CLASP1: variants seen among roughly 807,000 people sequenced by gnomAD.
The protein encoded by CLASP1 is CLIP-associating protein 1.
CLASP1 carries 38 observed loss-of-function variants against 192.3 expected under a neutral mutation model. That is an observed-to-expected ratio of 0.20 (90% CI 0.15 to 0.26). The LOEUF (loss-of-function observed/expected upper bound fraction) is 0.26, where lower values mean the gene tolerates loss of function less well. Ranked by LOEUF, CLASP1 falls within the 10% of genes least tolerant of loss-of-function variation. CLASP1 has a pLI of 1.00. For synonymous variants in CLASP1, 691 were observed against 712.8 expected, an observed-to-expected ratio of 0.97 and a Z score of 0.49; for missense variants, 1,433 against 1,932.5, an observed-to-expected ratio of 0.74 and a Z score of 4.85.
At chr2:121,648,374 T>C (rs562461954) in intron 1 of CLASP1, among the ~76,000 whole-genome samples, 1 of 152,168 alleles carries the variant, frequency 6.6e-6, no homozygotes, top group Non-Finnish European at 1.5e-5. Context: ...CAAATGAAAG[T>C]ATCATGTTTA....
chr2:121,343,219 T>C (rs2063003236), intron 39 of CLASP1, among the ~76,000 whole-genome samples: 2 of 151,938 alleles, frequency 1.3e-5, no homozygotes, highest in Middle Eastern at 3.2e-3. Context: ...ATTAGAAAAG[T>C]GAAAAATAAA....
chr2:121,366,880 T>C (rs572300150), intron 35 of CLASP1, among the ~76,000 whole-genome samples: 2 of 152,364 alleles, frequency 1.3e-5, no homozygotes, highest in Admixed American at 1.3e-4. Context: ...CTCACTAGTT[T>C]ATTCAGTAAT....
chr2:121,455,654 G>A (rs936708521), intron 14 of CLASP1, among the ~76,000 whole-genome samples: 5 of 152,262 alleles, frequency 3.3e-5, no homozygotes, highest in Admixed American at 3.3e-4. Context: ...GCACTTTGGA[G>A]GTTGAGGCCA....
At chr2:121,533,328 T>C (rs2094947438) in intron 2 of CLASP1, among the ~76,000 whole-genome samples, 1 of 152,122 alleles carries the variant, frequency 6.6e-6, no homozygotes, top group Non-Finnish European at 1.5e-5. Context: ...ATTTCCCTAC[T>C]GAAGAAAGGG....
chr2:121,620,382 G>A (rs898244241), intron 1 of CLASP1, among the ~76,000 whole-genome samples: 3 of 151,754 alleles, frequency 2.0e-5, no homozygotes, highest in African/African-American at 4.8e-5. Flanking sequence ...ATGAAGTCTC[G>A]TTCTGTTGCC....
chr2:121,498,801 T>C (rs1003922214), intron 8 of CLASP1, among the ~76,000 whole-genome samples: 1 of 152,146 alleles, frequency 6.6e-6, no homozygotes, highest in African/African-American at 2.4e-5. Flanking sequence ...AAAGGGCTAA[T>C]AAGCACATGA....
intron 1 of CLASP1, among the ~76,000 whole-genome samples, chr2:121,617,999 T>C (rs1242414133): frequency 6.6e-6 from 1 of 152,230 alleles, no homozygotes; most frequent in Non-Finnish European, 1.5e-5. Context: ...GGCCCGGCTA[T>C]TCTTTTTCAT....
intron 2 of CLASP1, among the ~76,000 whole-genome samples, chr2:121,546,438 G>A (rs2057424815): frequency 6.6e-6 from 1 of 151,762 alleles, no homozygotes; most frequent in African/African-American, 2.4e-5. Flanking sequence ...CACGCATTGG[G>A]ACCAATCAAG....
At chr2:121,600,722 T>A (rs2063692717) in intron 2 of CLASP1, among the ~76,000 whole-genome samples, 1 of 152,320 alleles carries the variant, frequency 6.6e-6, no homozygotes, top group African/African-American at 2.4e-5. Flanking sequence ...AGACAATTAC[T>A]TTTGCACCAA....
At position 121,560,613 on chromosome 2, in the gene CLASP1, C is replaced by T. The variant is rs111353159; in HGVS notation, c.196-30288G>A. On this transcript the variant is annotated intron_variant, in intron 2 of 39. Coordinates refer to ENST00000263710, the Ensembl canonical transcript of CLASP1. ...CATCCAAGAACATCCCTCTGCTCCA[C>T]GGTTATTTCCACCTCTAGGAATAAG... Among the ~76,000 whole-genome samples the T allele has an allele frequency of 7.1e-3, 1,076 of 152,282 alleles. 12 individuals are homozygous for T. Among genetic ancestry groups the T allele is most frequent in the African/African-American group, 0.024 (1,015 of 41,560 alleles).
chr2:121,382,080 C>T (rs989088864), intron 33 of CLASP1, 128 bp downstream of exon 34: 10 of 722,718 alleles, frequency 1.4e-5, no homozygotes, highest in Non-Finnish European at 2.2e-5. Flanking sequence ...GGCTCTACTC[C>T]TGCTATGTGA....
At chr2:121,627,993 C>T (rs1008178855) in intron 1 of CLASP1, among the ~76,000 whole-genome samples, 2 of 152,054 alleles carry the variant, frequency 1.3e-5, no homozygotes, top group East Asian at 1.9e-4. Context: ...AATTTCATAC[C>T]CTGTCCACCA....
intron 2 of CLASP1, among the ~76,000 whole-genome samples, chr2:121,554,025 G>A (rs909637816): frequency 3.4e-4 from 52 of 151,302 alleles, no homozygotes; most frequent in African/African-American, 1.2e-3. Context: ...ATTAGCCTAG[G>A]CAACATAGTG....
At chr2:121,619,185 A>T (rs1236340259) in intron 1 of CLASP1, among the ~76,000 whole-genome samples, 5 of 152,244 alleles carry the variant, frequency 3.3e-5, no homozygotes, top group Non-Finnish European at 7.3e-5. Flanking sequence ...TCACCACATT[A>T]CATTAAAAAG....
chr2:121,416,949 A>G (rs1329314236), intron 23 of CLASP1, among the ~76,000 whole-genome samples: 3 of 152,222 alleles, frequency 2.0e-5, no homozygotes, highest in Admixed American at 6.5e-5. Flanking sequence ...CTTGCTGGAC[A>G]TAAGTTTTAG....
chr2:121,372,932 A>C (rs1312945574), intron 34 of CLASP1, among the ~76,000 whole-genome samples: 1 of 152,232 alleles, frequency 6.6e-6, no homozygotes, highest in African/African-American at 2.4e-5. Flanking sequence ...TCCATGTCTT[A>C]GTCTTCAAAC....
At chr2:121,416,269 T>A (rs1022011512) in intron 23 of CLASP1, among the ~76,000 whole-genome samples, 2 of 152,174 alleles carry the variant, frequency 1.3e-5, no homozygotes, top group African/African-American at 4.8e-5. Flanking sequence ...AAGCCTAATT[T>A]ATAGCAGCCC....
chr2:121,567,383 A>G (rs976676128), intron 2 of CLASP1, among the ~76,000 whole-genome samples: 1 of 152,162 alleles, frequency 6.6e-6, no homozygotes, highest in African/African-American at 2.4e-5. Flanking sequence ...CCAAAGTGGA[A>G]CTTCTCCAGA....
chr2:121,387,862 A>C, exon 31 of CLASP1: 2 of 1,612,658 alleles, frequency 1.2e-6, no homozygotes, highest in Admixed American at 1.7e-5. Context: ...TGGTAAATTC[A>C]GGAGTATTCA....
Sources: gnomAD v4.1 joint callset for allele counts (sites outside exome capture counted in the v4.1 genomes callset) on GRCh38, gnomAD v4.1.1 for gene constraint, MANE v1.5 for transcripts, NCBI Gene and HGNC (gene_info 2026-07-23, HGNC 2026-07-21) for gene names.